DDX24: variants seen among roughly 807,000 people sequenced by gnomAD.
DDX24 encodes DEAD-box helicase 24.
DDX24 carries 24 observed loss-of-function variants against 68.9 expected under a neutral mutation model. The observed-to-expected ratio is 0.35, with a 90% CI of 0.25 to 0.49. The LOEUF is 0.49. DDX24 is among the 20% of genes least tolerant of loss of function. DDX24 has a pLI of 0.99. For missense variants in DDX24, 989 were observed against 1,039.0 expected (o/e 0.95, Z 0.66); for synonymous variants, 395 against 385.2 (o/e 1.03, Z -0.30).
At chr14:94,070,290 G>C (rs1885802980) in intron 2 of DDX24, among the ~76,000 whole-genome samples, 1 of 151,818 alleles carries the variant, frequency 6.6e-6, no homozygotes, top group African/African-American at 2.4e-5. Context: ...AAATACTTAG[G>C]AATATGCCTA....
intron 7 of DDX24, 35 bp from the exon 8 acceptor site, chr14:94,053,162 T>C (rs1323199368): frequency 6.2e-7 from 1 of 1,613,496 alleles, no homozygotes; most frequent in Non-Finnish European, 8.5e-7. Context: ...TCATCTGAAA[T>C]AGAGTTCAGG....
Position 94,060,265 on chromosome 14 carries a change from G to A in DDX24, c.1746C>T (p.Phe582=), listed in dbSNP as rs373851699. 3.1e-6 allele frequency: 5 copies of A among 1,614,222 alleles called. No individual in the cohort carries two copies. The highest frequency in any genetic ancestry group is 4.2e-6 in the Non-Finnish European group (5 of 1,180,048). The part of the protein sequence containing the change: ...TDEKDFYLYY[F]LMQYPGRSLV... The stretch of plus-strand genomic sequence containing the variant: ...AGCTGCGGCCTGGATACTGCATCAG[G>A]AAGTAGTACAAGTAGAAGTCTTTCT... Residue 582 remains phenylalanine (F), a synonymous_variant, in exon 5 of 9, where the codon TTC becomes TTT. Transcript: ENST00000621632.
Position 94,055,424 on chromosome 14 carries a change from C to T in DDX24, c.1990-240G>A, listed in dbSNP as rs550532359. 2.9e-5 allele frequency: 15 copies of T among 514,878 alleles called. No individual in the cohort carries two copies. The South Asian group carries it at 4.6e-4, about 16-fold the overall frequency. The allele number at this position is 514,878 out of a possible 1,614,324, so 31.9% of individuals were successfully genotyped here. ...TGCCCCTGACCCTGGTTCAGGTCCT[C>T]AGGACCATGCAGCCAGACCACAGCA... is the stretch of plus-strand genomic sequence containing the variant. On this transcript the variant is annotated intron_variant, in intron 6 of 8. Transcript: ENST00000621632.
intron 2 of DDX24, among the ~76,000 whole-genome samples, chr14:94,070,540 C>T (rs1025821003): frequency 1.1e-4 from 16 of 152,118 alleles, no homozygotes; most frequent in African/African-American, 3.9e-4. Flanking sequence ...AAAAAAGAGC[C>T]TGCATAGCCA....
intron 2 of DDX24, among the ~76,000 whole-genome samples, chr14:94,069,661 C>A (rs1032636475): frequency 1.3e-5 from 2 of 152,156 alleles, no homozygotes; most frequent in African/African-American, 4.8e-5. Context: ...AGATAACCCA[C>A]CATGATCAAG....
intron 1 of DDX24, 74 bp from the exon 2 acceptor site, chr14:94,079,821 A>C: frequency 7.4e-7 from 1 of 1,358,884 alleles, no homozygotes; most frequent in Admixed American, 1.9e-5. Context: ...AATATTTTCT[A>C]AGCAACTAGG....
chr14:94,073,138 T>C (rs1169160011), intron 2 of DDX24, among the ~76,000 whole-genome samples: 1 of 149,230 alleles, frequency 6.7e-6, no homozygotes, highest in African/African-American at 2.5e-5. Flanking sequence ...CAGGATGGAG[T>C]GCAGTGGCAC....
intron 2 of DDX24, among the ~76,000 whole-genome samples, chr14:94,078,488 A>G (rs1213854812): frequency 6.6e-6 from 1 of 152,148 alleles, no homozygotes; most frequent in Admixed American, 6.5e-5. Context: ...TACAAAATCC[A>G]CCCAATGACT....
chr14:94,051,165 G>C lies in DDX24; in HGVS notation c.*26C>G. The C allele has an allele frequency of 2.0e-6, 3 of 1,492,126 alleles. No individual in the cohort carries two copies. Among genetic ancestry groups the C allele is most frequent in the South Asian group, 1.4e-5 (1 of 72,850 alleles). 92.4% of individuals were successfully genotyped at this position (1,492,126 alleles called of 1,614,324 possible). A position where few individuals can be genotyped will look rare whatever the true frequency, so the allele number is the denominator to read the frequency against. ...AAATAGCCAGAGAACAGAAACCAAT[G>C]TGCAGTCACTGACACACTTGACCAG... is the stretch of plus-strand genomic sequence containing the variant. On this transcript the variant is annotated 3_prime_UTR_variant, in exon 9 of 9. Coordinates refer to ENST00000621632, the MANE Select transcript of DDX24 (RefSeq NM_020414.4).
At chr14:94,064,278 T>G (rs1885654449) in intron 2 of DDX24, among the ~76,000 whole-genome samples, 2 of 152,252 alleles carry the variant, frequency 1.3e-5, no homozygotes, top group African/African-American at 2.4e-5. Context: ...CCTTGTAACT[T>G]TCTCAGTGAC....
chr14:94,073,407 C>A (rs551664016), intron 2 of DDX24, among the ~76,000 whole-genome samples: 1 of 152,022 alleles, frequency 6.6e-6, no homozygotes, highest in Non-Finnish European at 1.5e-5. Flanking sequence ...CTCAAAGACA[C>A]GAACTGTCTG....
intron 2 of DDX24, among the ~76,000 whole-genome samples, chr14:94,072,525 C>A (rs1319004538): frequency 6.6e-6 from 1 of 152,118 alleles, no homozygotes; most frequent in Non-Finnish European, 1.5e-5. Flanking sequence ...GATAGGTGCA[C>A]CAAAATCTCA....
At position 94,070,787 on chromosome 14, in the gene DDX24, C is replaced by T. The variant is rs560530813; in HGVS notation, c.719-8166G>A. On this transcript the variant is annotated intron_variant, in intron 2 of 8. Transcript: ENST00000621632. ...GGACATTGTTTTCAACAAATGGTGC[C>T]GGGATAACTGGCTAGCCACCTGTAG... Among the ~76,000 whole-genome samples, 73 of 152,212 alleles carry T rather than the reference C, an allele frequency of 4.8e-4. 1 individual carries two copies. Among genetic ancestry groups the T allele is most frequent in the African/African-American group, 1.7e-3 (71 of 41,532 alleles).
At position 94,050,847 on chromosome 14, in the gene DDX24, T is replaced by G. The variant is rs1158652329; in HGVS notation, c.*344A>C. On this transcript the variant is annotated 3_prime_UTR_variant, in exon 9 of 9. Coordinates refer to ENST00000621632, the MANE Select transcript of DDX24 (RefSeq NM_020414.4). ...TGGCCCAGGAGAATCACTAAGTTAA[T>G]AATGAAACAAACTACACCACCACCC... The G allele has an allele frequency of 4.6e-6, 1 of 219,224 alleles. No individual in the cohort carries two copies. Among genetic ancestry groups the G allele is most frequent in the South Asian group, 1.7e-4 (1 of 6,018 alleles). 13.6% of individuals were successfully genotyped at this position (219,224 alleles called of 1,614,324 possible).
Position 94,048,444 on chromosome 14 carries a change from T to G in DDX24, c.*2747A>C, listed in dbSNP as rs1162957060. The G allele has an allele frequency of 6.6e-6, 1 of 152,308 alleles. No individual in the cohort carries two copies. The highest frequency in any genetic ancestry group is 1.9e-4 in the East Asian group (1 of 5,190). The allele number at this position is 152,308 out of a possible 1,614,324, so 9.4% of individuals were successfully genotyped here. ...AGCTCTGGAGCCAGAATGCCAGGGTTCTAACTTCAGCATTCACTTACTAGC... is the reference window on the plus strand; with the variant it reads ...AGCTCTGGAGCCAGAATGCCAGGGTGCTAACTTCAGCATTCACTTACTAGC... On this transcript the variant is annotated 3_prime_UTR_variant, in exon 9 of 9. Coordinates refer to ENST00000621632, the MANE Select transcript of DDX24 (RefSeq NM_020414.4).
chr14:94,053,120 A>T lies in DDX24; in HGVS notation c.2186T>A (p.Ile729Asn), dbSNP rs1440716523. The T allele has an allele frequency of 6.2e-7, 1 of 1,614,154 alleles. No individual in the cohort carries two copies. The change falls in exon 8 of 9, where the codon ATC (isoleucine) becomes AAC (asparagine). Residue 729 changes from isoleucine to asparagine, a missense_variant. Around this residue, in one of 3 missense-constraint regions of DDX24, gnomAD observed 691 missense variants for 760.0 expected, o/e 0.91. Transcript: ENST00000621632. ...TKYMDVVKERIRLARQIEKSE... is the reference protein window; with the variant it reads ...TKYMDVVKERNRLARQIEKSE... ...TTTCTCAATCTGTCGAGCTAAACGG[A>T]TTCGCTCCTGGGGGGAAGTAACAGA...
chr14:94,063,304 G>A lies in DDX24; in HGVS notation c.719-683C>T, dbSNP rs200262203. 5.3e-5 allele frequency among the ~76,000 whole-genome samples: 8 copies of A among 151,532 alleles called. No homozygotes were observed. In the East Asian group the frequency reaches 1.2e-3, roughly 22 times the overall value. ...AATAAGATACTATAAGGAAAAAAGAGAGCAAAAACAGACACATGAAACTTT... is the reference window on the plus strand; with the variant it reads ...AATAAGATACTATAAGGAAAAAAGAAAGCAAAAACAGACACATGAAACTTT... On this transcript the variant is annotated intron_variant, in intron 2 of 8. Transcript: ENST00000621632.
Position 94,062,369 on chromosome 14 carries a change from G to A in DDX24, c.971C>T (p.Thr324Ile), listed in dbSNP as rs1454069595. Reference protein sequence around the residue: ...AAEARAKTGGTVSDQALLFGD... With the variant: ...AAEARAKTGGIVSDQALLFGD... Reference sequence around the variant, plus strand: ...AAAGAGCAACGCCTGGTCTGAGACAGTGCCTCCAGTCTTGGCTCTGGCCTC... The same window carrying A: ...AAAGAGCAACGCCTGGTCTGAGACAATGCCTCCAGTCTTGGCTCTGGCCTC... The change falls in exon 3 of 9, where the codon ACT becomes ATT. Residue 324 changes from threonine to isoleucine, a missense_variant. Physicochemically the swap from Thr to Ile is moderately conservative, Grantham distance 89. This residue lies in a region of DDX24 where 691 missense variants were observed against 760.0 expected (regional missense o/e 0.91). Transcript: ENST00000621632. The A allele has an allele frequency of 9.3e-6, 15 of 1,614,122 alleles. No individual in the cohort carries two copies. Among genetic ancestry groups the A allele is most frequent in the Non-Finnish European group, 1.1e-5 (13 of 1,180,052 alleles).
At chr14:94,067,396 C>T (rs555571272) in intron 2 of DDX24, among the ~76,000 whole-genome samples, 7 of 152,154 alleles carry the variant, frequency 4.6e-5, no homozygotes, top group Non-Finnish European at 1.0e-4. Flanking sequence ...ATGCTAAAAG[C>T]TTGGAAAACA....
Sources: gnomAD v4.1 joint callset for allele counts (sites outside exome capture counted in the v4.1 genomes callset) on GRCh38, gnomAD v4.1.1 for gene constraint, gnomAD v4.1.1 regional missense constraint, MANE v1.5 for transcripts, NCBI Gene and HGNC (gene_info 2026-07-23, HGNC 2026-07-21) for gene names.